ASIC2: variants seen among roughly 807,000 people sequenced by gnomAD.
ASIC2 encodes acid-sensing ion channel 2.
In ASIC2, 25 loss-of-function variants were observed where a neutral mutation model predicts 57.3. The observed-to-expected ratio is 0.44, with a 90% CI of 0.32 to 0.61. The LOEUF (loss-of-function observed/expected upper bound fraction) is 0.61, where lower values mean the gene tolerates loss of function less well. ASIC2 is among the 20% of genes least tolerant of loss of function. The pLI is 0.06. For synonymous variants in ASIC2, 319 were observed against 307.5 expected, an observed-to-expected ratio of 1.04 and a Z score of -0.39; for missense variants, 641 against 738.1, an observed-to-expected ratio of 0.87 and a Z score of 1.52.
intron 1 of ASIC2, among the ~76,000 whole-genome samples, chr17:33,875,477 A>C (rs535214114): frequency 2.0e-5 from 3 of 152,196 alleles, no homozygotes; most frequent in Non-Finnish European, 2.9e-5. Context: ...AAATGAAAAC[A>C]GAAGGTTTTT....
intron 1 of ASIC2, among the ~76,000 whole-genome samples, chr17:33,270,983 T>C (rs1597660032): frequency 6.6e-6 from 1 of 152,268 alleles, no homozygotes; most frequent in East Asian, 1.9e-4. Flanking sequence ...AGCCAAGAAA[T>C]GGCACCACCA....
intron 1 of ASIC2, among the ~76,000 whole-genome samples, chr17:33,897,483 T>C (rs1386315117): frequency 1.3e-5 from 2 of 152,220 alleles, no homozygotes; most frequent in African/African-American, 4.8e-5. Context: ...ATACAACAAA[T>C]GGTTTAGAAT....
At chr17:33,833,428 G>C (rs1185755577) in intron 1 of ASIC2, among the ~76,000 whole-genome samples, 2 of 152,166 alleles carry the variant, frequency 1.3e-5, no homozygotes, top group African/African-American at 4.8e-5. Flanking sequence ...TAGGCTATCT[G>C]CATTCCTTTG....
chr17:33,865,775 A>C (rs139116738), intron 1 of ASIC2, among the ~76,000 whole-genome samples: 10 of 95,844 alleles, frequency 1.0e-4, no homozygotes, highest in Non-Finnish European at 1.9e-4. Flanking sequence ...AAAAAAACAA[A>C]AAAAAAAACG....
intron 1 of ASIC2, among the ~76,000 whole-genome samples, chr17:33,645,028 A>G (rs1485424589): frequency 2.0e-5 from 3 of 152,214 alleles, no homozygotes; most frequent in African/African-American, 4.8e-5. Context: ...CACGTGAAAC[A>G]TTATTATAGT....
At chr17:33,307,149 T>A (rs992110215) in intron 1 of ASIC2, among the ~76,000 whole-genome samples, 12 of 152,126 alleles carry the variant, frequency 7.9e-5, no homozygotes, top group African/African-American at 2.9e-4. Context: ...CCAACTTAAA[T>A]CCACATCACA....
chr17:33,111,914 C>T lies in ASIC2; in HGVS notation c.859+3G>A. The stretch of plus-strand genomic sequence containing the variant: ...CAATGCCCGGTCCCTGTGCCCAGCT[C>T]ACCTGTCTCTCCCCAGATGGGCAGG... On this transcript the variant is annotated splice_donor_region_variant and intron_variant, in intron 2 of 9. Coordinates refer to ENST00000225823, the MANE Select transcript of ASIC2 (RefSeq NM_183377.2). 6.2e-7 allele frequency: 1 copy of T among 1,610,132 alleles called. No homozygotes were observed. The highest frequency in any genetic ancestry group is 1.1e-5 in the South Asian group (1 of 90,088).
chr17:33,968,155 T>G (rs550924715), intron 1 of ASIC2, among the ~76,000 whole-genome samples: 11 of 152,246 alleles, frequency 7.2e-5, no homozygotes, highest in African/African-American at 2.4e-4. Context: ...CACATCCCCA[T>G]GTTGCCAGAG....
intron 1 of ASIC2, among the ~76,000 whole-genome samples, chr17:33,654,980 CA>C (rs1008372842): frequency 2.0e-5 from 3 of 151,980 alleles, no homozygotes; most frequent in African/African-American, 7.2e-5. Flanking sequence ...AATAAAACAA[CA>C]AAAAAAGAAG....
intron 1 of ASIC2, among the ~76,000 whole-genome samples, chr17:33,862,793 C>T (rs1432419112): frequency 1.3e-5 from 2 of 152,194 alleles, no homozygotes; most frequent in African/African-American, 2.4e-5. Flanking sequence ...TAATGGCCAG[C>T]CTTCTAGTTC....
At chr17:34,034,488 C>A (rs944958611) in intron 1 of ASIC2, among the ~76,000 whole-genome samples, 1 of 152,184 alleles carries the variant, frequency 6.6e-6, no homozygotes, top group Non-Finnish European at 1.5e-5. Flanking sequence ...TCCTATTCAA[C>A]ATAGTCTTGG....
At position 33,669,418 on chromosome 17, in the gene ASIC2, G is replaced by A. The variant is rs1403572811; in HGVS notation, c.555+486560C>T. Among the ~76,000 whole-genome samples the A allele has an allele frequency of 2.0e-5, 3 of 152,206 alleles. No homozygotes were observed. In the East Asian group the frequency reaches 5.8e-4, roughly 29 times the overall value. On this transcript the variant is annotated intron_variant, in intron 1 of 9. Transcript: ENST00000359872. The stretch of plus-strand genomic sequence containing the variant: ...CTCCTAAGTGTGTATGTACATAAAT[G>A]TGTGTATATCTAACTAGGTATGTAG...
In ASIC2 at chr17:33,909,559, C is replaced by G. The variant is rs1003531987; in HGVS notation, c.555+246419G>C. On this transcript the variant is annotated intron_variant, in intron 1 of 9. Transcript: ENST00000359872. ...CTGGGGGGAGGCAAGAGAGGGGAGA[C>G]AGGAGAGGGCTTGAGGGGGATGCAC... 2.6e-5 allele frequency among the ~76,000 whole-genome samples: 4 copies of G among 152,078 alleles called. No individual in the cohort carries two copies. In the South Asian group the frequency reaches 8.3e-4, roughly 32 times the overall value.
chr17:33,195,184 A>G (rs1245769174), intron 1 of ASIC2, among the ~76,000 whole-genome samples: 1 of 152,192 alleles, frequency 6.6e-6, no homozygotes, highest in Non-Finnish European at 1.5e-5. Context: ...AACCTCCCTG[A>G]GCACAGGCAG....
At chr17:33,467,660 G>C (rs2141917110) in intron 1 of ASIC2, among the ~76,000 whole-genome samples, 1 of 152,266 alleles carries the variant, frequency 6.6e-6, no homozygotes, top group Non-Finnish European at 1.5e-5. Context: ...TCTTAACCCA[G>C]ATATTTCTTT....
At chr17:34,084,326 G>C (rs1294025938) in intron 1 of ASIC2, among the ~76,000 whole-genome samples, 6 of 152,136 alleles carry the variant, frequency 3.9e-5, no homozygotes, top group Non-Finnish European at 8.8e-5. Flanking sequence ...GCTTGTTTCT[G>C]TCAGGTTTGT....
At chr17:33,646,505 C>G (rs1324168869) in intron 1 of ASIC2, among the ~76,000 whole-genome samples, 1 of 152,150 alleles carries the variant, frequency 6.6e-6, no homozygotes, top group East Asian at 1.9e-4. Flanking sequence ...GACGAGTGTG[C>G]TCTTGGGGAT....
intron 1 of ASIC2, among the ~76,000 whole-genome samples, chr17:34,114,173 G>A (rs917999426): frequency 5.9e-5 from 9 of 152,178 alleles, no homozygotes; most frequent in African/African-American, 2.2e-4. Context: ...AATTGGCAGT[G>A]CAGTTGTCCA....
chr17:33,772,114 C>T (rs561160290), intron 1 of ASIC2, among the ~76,000 whole-genome samples: 2 of 152,266 alleles, frequency 1.3e-5, no homozygotes, highest in South Asian at 4.1e-4. Flanking sequence ...GGAGCAGAAC[C>T]CCTTTTCCTG....
Sources: allele counts gnomAD v4.1 joint callset (sites outside exome capture counted in the v4.1 genomes callset), GRCh38; gene constraint gnomAD v4.1.1; transcripts MANE v1.5; gene names NCBI Gene and HGNC (gene_info 2026-07-23, HGNC 2026-07-21).